LANCL2: variants seen among roughly 807,000 people sequenced by gnomAD.
LANCL2 encodes lanC-like protein 2.
Under a neutral mutation model 56.9 loss-of-function variants are expected in LANCL2, and 33 were observed. The ratio of observed to expected loss-of-function variants is 0.58; its 90% CI spans 0.44 to 0.78. LANCL2 has a LOEUF of 0.78. Among genes scored for constraint, LANCL2 ranks in the 30% least tolerant of loss-of-function variants. The probability of loss-of-function intolerance (pLI) is 0.00; values close to 1 mark genes in which losing one functional copy is unlikely to be tolerated. For missense variants in LANCL2, 562 were observed against 580.2 expected, an observed-to-expected ratio of 0.97 and a Z score of 0.32; for synonymous variants, 233 against 228.2, an observed-to-expected ratio of 1.02 and a Z score of -0.19.
intron 1 of LANCL2, among the ~76,000 whole-genome samples, chr7:55,368,760 A>T (rs1789903045): frequency 6.7e-6 from 1 of 149,772 alleles, no homozygotes; most frequent in African/African-American, 2.5e-5. Flanking sequence ...AGAATGTGAC[A>T]TTTGGAAATA....
chr7:55,400,252 TTCTAG>T (rs914857923), intron 4 of LANCL2, 148 bp downstream of exon 4: 9 of 580,074 alleles, frequency 1.6e-5, no homozygotes, highest in African/African-American at 3.8e-5. Flanking sequence ...CCCTGCTTTT[TTCTAG>T]GAACATTAAC....
At chr7:55,378,293 C>G (rs746929702) in intron 1 of LANCL2, among the ~76,000 whole-genome samples, 5 of 152,040 alleles carry the variant, frequency 3.3e-5, no homozygotes, top group Non-Finnish European at 5.9e-5. Flanking sequence ...AACCCTGTCT[C>G]TACTAAAAAT....
chr7:55,366,127 C>T lies in LANCL2; in HGVS notation c.102C>T (p.Ala34=). The change falls in exon 1 of 9, where the codon GCC becomes GCT. Residue 34 remains alanine (A), a synonymous_variant. Coordinates refer to ENST00000254770, the MANE Select transcript of LANCL2 (RefSeq NM_018697.4). ...ACCCCTTCCCGGACTACGAGGCCGC[C>T]GCCGGGGCGCTGCTCGCCTCCGGAG... ...FVNPFPDYEA[A]AGALLASGAA... The T allele has an allele frequency of 2.6e-6, 4 of 1,545,896 alleles. No homozygotes were observed. The highest frequency in any genetic ancestry group is 1.9e-5 in the Admixed American group (1 of 51,682).
intron 6 of LANCL2, among the ~76,000 whole-genome samples, chr7:55,414,323 T>A (rs1790503189): frequency 1.3e-5 from 2 of 152,268 alleles, no homozygotes; most frequent in South Asian, 2.1e-4. Context: ...TCTACACTGT[T>A]TTCTCTCAAG....
chr7:55,366,455 C>T (rs535720650), intron 1 of LANCL2, among the ~76,000 whole-genome samples: 1 of 152,250 alleles, frequency 6.6e-6, no homozygotes, highest in Non-Finnish European at 1.5e-5. Flanking sequence ...GGCCCCAACG[C>T]GCCTTTGAAA....
intron 1 of LANCL2, among the ~76,000 whole-genome samples, chr7:55,377,876 A>G (rs1790020879): frequency 6.6e-6 from 1 of 152,224 alleles, no homozygotes; most frequent in Non-Finnish European, 1.5e-5. Context: ...ATTTCTATTC[A>G]TATGGTATGA....
intron 2 of LANCL2, among the ~76,000 whole-genome samples, chr7:55,392,629 G>A (rs547100956): frequency 7.5e-4 from 114 of 152,288 alleles, no homozygotes; most frequent in Non-Finnish European, 1.4e-3. Flanking sequence ...GATTACAGGC[G>A]TGAGCCACTA....
intron 3 of LANCL2, 137 bp from the exon 4 acceptor site, chr7:55,399,820 T>G: frequency 1.6e-6 from 1 of 625,908 alleles, no homozygotes; most frequent in Admixed American, 2.8e-5. Context: ...GTGTTCTGGA[T>G]TTGGGAGTAT....
chr7:55,419,749 GTC>G (rs1790589029), intron 6 of LANCL2, among the ~76,000 whole-genome samples: 1 of 152,136 alleles, frequency 6.6e-6, no homozygotes, highest in African/African-American at 2.4e-5. Flanking sequence ...TCTCTCATCA[GTC>G]TAGATAGCAG....
chr7:55,393,946 C>T (rs1325642619), intron 2 of LANCL2: 1 of 152,176 alleles, frequency 6.6e-6, no homozygotes, highest in African/African-American at 2.4e-5. Flanking sequence ...ACGGGTTTCC[C>T]CTAACAAGCC....
rs573818801 is a variant in LANCL2, at chr7:55,431,268, C to T, written c.1301C>T (p.Pro434Leu). ...CACTTTCTCTCTGATGTCCTGGGAC[C>T]AGAGACATCACGGTTTCCAGCATTT... ...AIHFLSDVLGPETSRFPAFEL... is the reference protein window; with the variant it reads ...AIHFLSDVLGLETSRFPAFEL... Residue 434 changes from proline to leucine, a missense_variant, in exon 9 of 9, where the codon CCA becomes CTA. This residue lies in a region of LANCL2 where 378 missense variants were observed against 468.4 expected (regional missense o/e 0.81). Transcript: ENST00000254770. 7 of 1,613,872 alleles carry T rather than the reference C, an allele frequency of 4.3e-6. No homozygotes were observed. In the East Asian group the frequency reaches 8.9e-5, roughly 21 times the overall value.
intron 2 of LANCL2, among the ~76,000 whole-genome samples, chr7:55,396,046 T>C (rs1228486406): frequency 2.6e-5 from 4 of 152,218 alleles, no homozygotes; most frequent in Non-Finnish European, 5.9e-5. Context: ...TAAACATAGA[T>C]ATAGAAAAGG....
chr7:55,377,781 T>C (rs2128991469), intron 1 of LANCL2, among the ~76,000 whole-genome samples: 1 of 152,342 alleles, frequency 6.6e-6, no homozygotes, highest in Middle Eastern at 3.4e-3. Context: ...ATGTAATTGC[T>C]AAAAATCAAT....
intron 6 of LANCL2, among the ~76,000 whole-genome samples, chr7:55,417,183 G>C: frequency 6.6e-6 from 1 of 151,900 alleles, no homozygotes. Flanking sequence ...GTTTCACCGT[G>C]TTAGCCGGGA....
At chr7:55,427,433 A>G (rs1790676651) in intron 7 of LANCL2, among the ~76,000 whole-genome samples, 1 of 152,216 alleles carries the variant, frequency 6.6e-6, no homozygotes, top group African/African-American at 2.4e-5. Flanking sequence ...GGTTTCCCCA[A>G]ATAGTGGTTT....
intron 6 of LANCL2, among the ~76,000 whole-genome samples, chr7:55,412,682 T>C (rs954783381): frequency 6.6e-4 from 101 of 152,192 alleles, no homozygotes; most frequent in Non-Finnish European, 1.1e-3. Context: ...GATTTATCAT[T>C]TAAGATTTAT....
rs774618518 is a variant in LANCL2 at position 55,398,617 on chromosome 7, G to C, written c.517G>C (p.Glu173Gln). The change falls in exon 3 of 9, where the codon GAA becomes CAA. Residue 173 changes from glutamate (E) to glutamine (Q), a missense_variant. Glu to Gln is a conservative substitution (Grantham distance 29, BLOSUM62 2). Transcript: ENST00000254770. ...ACTCAGAAGTGACTGTGAGTCCCAG[G>C]AATGTGTCACAAAGTGAGTTTTAGA... The part of the protein sequence containing the change: ...HKLRSDCESQ[E>Q]CVTKLLQLQR... 2 of 1,613,066 alleles carry C rather than the reference G, an allele frequency of 1.2e-6. No homozygotes were observed. Among genetic ancestry groups the C allele is most frequent in the Non-Finnish European group, 1.7e-6 (2 of 1,179,576 alleles).
chr7:55,417,261 G>C (rs151292622), intron 6 of LANCL2, among the ~76,000 whole-genome samples: 6 of 152,008 alleles, frequency 3.9e-5, no homozygotes, highest in Admixed American at 3.3e-4. Flanking sequence ...TTACAGGCGT[G>C]AGCCACCGTG....
At chr7:55,421,040 T>C (rs1790602546) in intron 6 of LANCL2, among the ~76,000 whole-genome samples, 1 of 152,224 alleles carries the variant, frequency 6.6e-6, no homozygotes, top group Non-Finnish European at 1.5e-5. Flanking sequence ...TTGTCTGATA[T>C]TAATGCAGCT....
Sources: gnomAD v4.1 joint callset for allele counts (sites outside exome capture counted in the v4.1 genomes callset) on GRCh38, gnomAD v4.1.1 for gene constraint, gnomAD v4.1.1 regional missense constraint, MANE v1.5 for transcripts, NCBI Gene and HGNC (gene_info 2026-07-23, HGNC 2026-07-21) for gene names.